The following STARD13 variants were observed in gnomAD, a reference collection of about 807,000 sequenced individuals.
STARD13 encodes the protein StAR related lipid transfer domain containing 13.
STARD13 carries 62 observed loss-of-function variants against 106.4 expected under a neutral mutation model. The observed-to-expected ratio is 0.58, with a 90% confidence interval of 0.48 to 0.72. The LOEUF (loss-of-function observed/expected upper bound fraction) is 0.72. Among genes scored for constraint, STARD13 ranks in the 30% least tolerant of loss-of-function variants. The pLI, the probability that STARD13 is intolerant of heterozygous loss-of-function variation, is 0.00. For synonymous variants in STARD13, 565 were observed against 553.0 expected (o/e 1.02, Z -0.31); for missense variants, 1,387 against 1,424.0 (o/e 0.97, Z 0.42).
At chr13:33,184,776 G>A (rs1486712842) in intron 1 of STARD13, among the ~76,000 whole-genome samples, 2 of 152,204 alleles carry the variant, frequency 1.3e-5, no homozygotes, top group Non-Finnish European at 2.9e-5. Context: ...TATGTAATTT[G>A]ACACAGAGCA....
At chr13:33,204,187 G>A (rs995948370) in intron 1 of STARD13, among the ~76,000 whole-genome samples, 1 of 152,216 alleles carries the variant, frequency 6.6e-6, no homozygotes, top group Admixed American at 6.5e-5. Flanking sequence ...ATGCTACCTT[G>A]TCACATGTCA....
the STARD13 span, among the ~76,000 whole-genome samples, chr13:33,538,219 T>G: frequency 3.3e-5 from 5 of 152,128 alleles, no homozygotes; most frequent in African/African-American, 7.2e-5. Flanking sequence ...CGAAGAAGGG[T>G]GCAGAAAATT....
the STARD13 span, among the ~76,000 whole-genome samples, chr13:33,446,578 A>C: frequency 1.2e-3 from 176 of 152,302 alleles, 2 homozygotes; most frequent in Middle Eastern, 0.01. Context: ...TTTATACATA[A>C]GAGTAAAATG....
At chr13:33,122,699 C>T (rs1593887764) in intron 7 of STARD13, among the ~76,000 whole-genome samples, 1 of 152,122 alleles carries the variant, frequency 6.6e-6, no homozygotes, top group South Asian at 2.1e-4. Context: ...GATGAGTGTC[C>T]CCTTGGTCTA....
chr13:33,107,000 C>A lies in STARD13; in HGVS notation c.3048-66G>T, dbSNP rs1381887168. The A allele has an allele frequency of 2.0e-6, 3 of 1,479,608 alleles. No individual in the cohort carries two copies. In the Admixed American group the frequency reaches 6.0e-5, roughly 30 times the overall value. The allele number at this position is 1,479,608 out of a possible 1,614,324, so 91.7% of individuals were successfully genotyped here. A position where few individuals can be genotyped will look rare whatever the true frequency, so the allele number is the denominator to read the frequency against. The stretch of plus-strand genomic sequence containing the variant: ...GAGGAAGAAGAACCTGAACACAGAG[C>A]TAAGGTTTGTGTTTATATTTTCCTG... On this transcript the variant is annotated intron_variant, in intron 12 of 13. Coordinates refer to ENST00000336934, the MANE Select transcript of STARD13 (RefSeq NM_178006.4).
chr13:33,319,619 G>A (rs1413517041), intron 1 of STARD13, among the ~76,000 whole-genome samples: 1 of 152,152 alleles, frequency 6.6e-6, no homozygotes, highest in East Asian at 1.9e-4. Flanking sequence ...GTTACACAGT[G>A]GAATGGGACA....
chr13:33,511,649 TGAAG>T, the STARD13 span, among the ~76,000 whole-genome samples: 6 of 152,146 alleles, frequency 3.9e-5, no homozygotes, highest in Non-Finnish European at 8.8e-5. Flanking sequence ...AATAATAAAA[TGAAG>T]GAAGAGGAAG....
At position 33,126,203 on chromosome 13, in the gene STARD13, C is replaced by T. The variant is rs369013604; in HGVS notation, c.1960G>A (p.Asp654Asn). 7.4e-6 allele frequency: 12 copies of T among 1,614,002 alleles called. No individual in the cohort carries two copies. Among genetic ancestry groups the T allele is most frequent in the African/African-American group, 1.3e-5 (1 of 74,906 alleles). The stretch of plus-strand genomic sequence containing the variant: ...CCAAAGACAGCCTTGTCTTTGTAGT[C>T]GGGAACTTTCATCCTCTTCATGAAC... ...PKFMKRMKVP[D>N]YKDKAVFGVP... The change falls in exon 7 of 14, where the codon GAC becomes AAC. Residue 654 changes from aspartate (D) to asparagine (N), a missense_variant. Coordinates refer to ENST00000336934, the MANE Select transcript of STARD13 (RefSeq NM_178006.4).
chr13:33,283,505 C>T (rs1386275667), intron 1 of STARD13, among the ~76,000 whole-genome samples: 2 of 152,172 alleles, frequency 1.3e-5, no homozygotes, highest in African/African-American at 4.8e-5. Context: ...TTACAGTAAA[C>T]CAATCTTCTA....
At chr13:33,109,652 G>A (rs1213784865) in intron 12 of STARD13, among the ~76,000 whole-genome samples, 1 of 152,196 alleles carries the variant, frequency 6.6e-6, no homozygotes, top group Non-Finnish European at 1.5e-5. Flanking sequence ...CAAGGAGAGG[G>A]GCAATCAGAG....
At chr13:33,307,859 G>A (rs1443322278) in intron 1 of STARD13, among the ~76,000 whole-genome samples, 2 of 152,072 alleles carry the variant, frequency 1.3e-5, no homozygotes, top group East Asian at 1.9e-4. Context: ...AATAGTCTTG[G>A]TCACAGACTA....
At chr13:33,358,259 C>T in the STARD13 span, among the ~76,000 whole-genome samples, 5 of 152,210 alleles carry the variant, frequency 3.3e-5, no homozygotes, top group Admixed American at 1.3e-4. Flanking sequence ...GCCTGAGCCT[C>T]CCACCCACTC....
At chr13:33,493,391 C>G in the STARD13 span, among the ~76,000 whole-genome samples, 1 of 152,144 alleles carries the variant, frequency 6.6e-6, no homozygotes, top group Non-Finnish European at 1.5e-5. Flanking sequence ...CGCATTTGTC[C>G]AAACCGGTAG....
the STARD13 span, among the ~76,000 whole-genome samples, chr13:33,673,572 C>G: frequency 5.8e-5 from 6 of 103,494 alleles, no homozygotes; most frequent in Admixed American, 2.4e-4. Flanking sequence ...GAGACAGAGT[C>G]TCACTCTGTC....
At chr13:33,647,301 A>C in the STARD13 span, among the ~76,000 whole-genome samples, 1 of 152,208 alleles carries the variant, frequency 6.6e-6, no homozygotes, top group African/African-American at 2.4e-5. Context: ...TATCTCCCAA[A>C]ACATTTATCT....
chr13:33,388,103 A>G, the STARD13 span, among the ~76,000 whole-genome samples: 2 of 152,196 alleles, frequency 1.3e-5, no homozygotes, highest in African/African-American at 4.8e-5. Context: ...TGGGGACTGC[A>G]ACATAGAGTT....
chr13:33,581,216 A>G, the STARD13 span, among the ~76,000 whole-genome samples: 10,436 of 152,246 alleles, frequency 0.069, 388 homozygotes, highest in East Asian at 0.096. Flanking sequence ...CTCTGGTCCT[A>G]AAATATAACA....
At chr13:33,424,377 GAA>G in the STARD13 span, among the ~76,000 whole-genome samples, 244 of 152,328 alleles carry the variant, frequency 1.6e-3, 2 homozygotes, top group African/African-American at 5.5e-3. Flanking sequence ...ATTGTGAGAT[GAA>G]GACCTTAAAA....
the STARD13 span, chr13:33,657,032 G>A: frequency 1.3e-5 from 2 of 152,416 alleles, no homozygotes; most frequent in Non-Finnish European, 2.9e-5. Context: ...CACTTTGGGA[G>A]GCCGAGGCGG....
Sources: allele counts gnomAD v4.1 joint callset (sites outside exome capture counted in the v4.1 genomes callset), GRCh38; gene constraint gnomAD v4.1.1; transcripts MANE v1.5; gene names NCBI Gene and HGNC (gene_info 2026-07-23, HGNC 2026-07-21).